Variants in CELF2 observed in about 807,000 individuals in gnomAD.
CELF2 encodes CUG triplet repeat RNA-binding protein 2.
A neutral mutation model predicts 62.6 loss-of-function variants in CELF2; 8 were observed. The observed-to-expected ratio is 0.13, with a 90% CI of 0.07 to 0.23. The LOEUF is 0.23. Ranked by LOEUF, CELF2 falls within the 10% of genes least tolerant of loss-of-function variation. The pLI is 1.00. For synonymous variants in CELF2, 258 were observed against 250.0 expected, an observed-to-expected ratio of 1.03 and a Z score of -0.30; for missense variants, 333 against 671.0, an observed-to-expected ratio of 0.50 and a Z score of 5.56.
chr10:10,645,849 T>C, the CELF2 span, among the ~76,000 whole-genome samples: 1 of 152,168 alleles, frequency 6.6e-6, no homozygotes, highest in African/African-American at 2.4e-5. Flanking sequence ...CCCTCTTCCA[T>C]GTATAGAAGC....
chr10:10,470,325 T>C, the CELF2 span, among the ~76,000 whole-genome samples: 1 of 151,842 alleles, frequency 6.6e-6, no homozygotes, highest in Non-Finnish European at 1.5e-5. Context: ...CATAACAAAT[T>C]GCCAAAATCT....
intron 1 of CELF2, among the ~76,000 whole-genome samples, chr10:11,122,233 C>G (rs954572195): frequency 6.6e-6 from 1 of 152,182 alleles, no homozygotes; most frequent in African/African-American, 2.4e-5. Context: ...TGGATCCTTT[C>G]TTAATATGAC....
intron 1 of CELF2, among the ~76,000 whole-genome samples, chr10:11,104,468 A>C (rs1214270352): frequency 1.3e-5 from 2 of 152,192 alleles, no homozygotes; most frequent in Non-Finnish European, 2.9e-5. Flanking sequence ...AGGCAGGAGA[A>C]TCACATGAGG....
chr10:10,646,470 C>G, the CELF2 span, among the ~76,000 whole-genome samples: 1 of 152,342 alleles, frequency 6.6e-6, no homozygotes, highest in East Asian at 1.9e-4. Flanking sequence ...TTCTCAGCCC[C>G]TTACTTTGCC....
At chr10:10,914,538 A>G (rs1283744719) in intron 1 of CELF2, among the ~76,000 whole-genome samples, 1 of 152,154 alleles carries the variant, frequency 6.6e-6, no homozygotes, top group East Asian at 1.9e-4. Flanking sequence ...CTTGTCTGCT[A>G]TCTTTTTCGG....
At chr10:11,273,803 C>T (rs1265672148) in intron 7 of CELF2, among the ~76,000 whole-genome samples, 2 of 151,970 alleles carry the variant, frequency 1.3e-5, no homozygotes, top group East Asian at 1.9e-4. Context: ...CTCACTGCAG[C>T]CTCCATCTCC....
chr10:11,310,985 C>T (rs985395577), intron 9 of CELF2, among the ~76,000 whole-genome samples: 6 of 152,008 alleles, frequency 3.9e-5, no homozygotes, highest in Non-Finnish European at 7.4e-5. Context: ...TTTGGTGAAC[C>T]GAATAAATTC....
At chr10:11,066,168 A>G (rs2068101839) in intron 1 of CELF2, among the ~76,000 whole-genome samples, 1 of 152,182 alleles carries the variant, frequency 6.6e-6, no homozygotes, top group Non-Finnish European at 1.5e-5. Flanking sequence ...AAAGCTTTAA[A>G]GGGATTTGAG....
rs2072059926 is a variant in CELF2 at position 11,178,475 on chromosome 10, A to G, written c.271+12793A>G. Among the ~76,000 whole-genome samples, 1 of 152,240 alleles carries G rather than the reference A, an allele frequency of 6.6e-6. No homozygotes were observed. The highest frequency in any genetic ancestry group is 2.4e-5 in the African/African-American group (1 of 41,462). Reference sequence around the variant, plus strand: ...TGTGAAGGAAGAAAAAGACTTGGGGAAAGGTAATGAATAAATTAAAGACAC... The same window carrying G: ...TGTGAAGGAAGAAAAAGACTTGGGGGAAGGTAATGAATAAATTAAAGACAC... On this transcript the variant is annotated intron_variant, in intron 2 of 12. Transcript: ENST00000633077. This position sits in a 1 kb window ranked among gnomAD's most constrained non-coding sequence, Gnocchi z 4.3.
the CELF2 span, among the ~76,000 whole-genome samples, chr10:10,683,709 T>C: frequency 6.6e-6 from 1 of 152,214 alleles, no homozygotes; most frequent in East Asian, 1.9e-4. Context: ...GGATAGCAGT[T>C]GTAATGTAGA....
chr10:11,007,707 G>A (rs1372451345), intron 1 of CELF2, among the ~76,000 whole-genome samples: 2 of 152,128 alleles, frequency 1.3e-5, no homozygotes, highest in South Asian at 2.1e-4. Context: ...AGCACACTCC[G>A]ATTCTGCTTC....
intron 9 of CELF2, among the ~76,000 whole-genome samples, chr10:11,298,142 G>C (rs891856310): frequency 6.6e-6 from 1 of 152,246 alleles, no homozygotes; most frequent in African/African-American, 2.4e-5. Flanking sequence ...AGAGCTGAAA[G>C]CTGGACTAGA....
At chr10:10,602,164 T>C in the CELF2 span, among the ~76,000 whole-genome samples, 1 of 152,194 alleles carries the variant, frequency 6.6e-6, no homozygotes, top group Non-Finnish European at 1.5e-5. Context: ...GTTGATTCCA[T>C]GTCTTTGCTA....
chr10:10,992,619 G>A (rs563119349), intron 2 of CELF2, among the ~76,000 whole-genome samples: 49 of 152,254 alleles, frequency 3.2e-4, no homozygotes, highest in African/African-American at 9.9e-4. Flanking sequence ...GATGAAGTAC[G>A]GAGAAATATT....
intron 1 of CELF2, among the ~76,000 whole-genome samples, chr10:11,128,589 TC>T (rs2059111825): frequency 1.3e-5 from 2 of 152,204 alleles, no homozygotes; most frequent in African/African-American, 4.8e-5. Flanking sequence ...AAGAGGTCCT[TC>T]ACATCCCTTG....
chr10:10,729,461 CA>C, the CELF2 span, among the ~76,000 whole-genome samples: 2 of 152,070 alleles, frequency 1.3e-5, no homozygotes, highest in Non-Finnish European at 2.9e-5. Context: ...AGCAACATGC[CA>C]AAAAGCCACA....
Position 11,290,789 on chromosome 10 carries a change from C to T in CELF2, c.976+2237C>T, listed in dbSNP as rs953298110. Among the ~76,000 whole-genome samples, 26 of 152,182 alleles carry T rather than the reference C, an allele frequency of 1.7e-4. No individual in the cohort carries two copies. Among genetic ancestry groups the T allele is most frequent in the African/African-American group, 4.6e-4 (19 of 41,440 alleles). ...AGGTGTCACTGAGAGCGATTTTTCT[C>T]TTCTCTACTGAGGAATGCTTTGCAT... On this transcript the variant is annotated intron_variant, in intron 9 of 12. Coordinates refer to ENST00000633077, the MANE Select transcript of CELF2 (RefSeq NM_001326342.2). This position sits in a 1 kb window ranked among gnomAD's most constrained non-coding sequence, Gnocchi z 4.3.
chr10:11,133,209 A>G (rs1003519587), intron 1 of CELF2, among the ~76,000 whole-genome samples: 2 of 152,200 alleles, frequency 1.3e-5, no homozygotes, highest in African/African-American at 4.8e-5. Context: ...TTGGATCCAC[A>G]AGGAACCATT....
chr10:10,710,877 G>A, the CELF2 span, among the ~76,000 whole-genome samples: 2 of 152,124 alleles, frequency 1.3e-5, no homozygotes, highest in African/African-American at 4.8e-5. Flanking sequence ...TAGAGAAATG[G>A]CCTAACAGAA....
Sources: allele counts gnomAD v4.1 joint callset (sites outside exome capture counted in the v4.1 genomes callset), GRCh38; gene constraint gnomAD v4.1.1; non-coding constraint Gnocchi (gnomAD v3.1); transcripts MANE v1.5; gene names NCBI Gene and HGNC (gene_info 2026-07-23, HGNC 2026-07-21).